The following VPS13C variants were observed in gnomAD, a reference collection of about 807,000 sequenced individuals.
The protein encoded by VPS13C is vacuolar protein sorting 13 homolog C, also known as intermembrane lipid transfer protein VPS13C.
Under a neutral mutation model 456.8 loss-of-function variants are expected in VPS13C, and 358 were observed. The ratio of observed to expected loss-of-function variants is 0.78; its 90% CI spans 0.72 to 0.86. The LOEUF (loss-of-function observed/expected upper bound fraction) is 0.86, where lower values mean the gene tolerates loss of function less well. Ranked by LOEUF, VPS13C falls within the 40% of genes least tolerant of loss-of-function variation. The pLI is 0.00. For missense variants in VPS13C, 4,818 were observed against 4,385.4 expected (o/e 1.10, Z -2.79); for synonymous variants, 1,578 against 1,486.7 (o/e 1.06, Z -1.41).
chr15:61,868,005 A>G (rs1894712118), intron 81 of VPS13C: 1 of 1,168,294 alleles, frequency 8.6e-7, no homozygotes, highest in Admixed American at 1.9e-5. Flanking sequence ...AGATAGATAA[A>G]ACGTAATCAT....
intron 81 of VPS13C, chr15:61,865,529 A>ATATGTATATAT (rs1239573394): frequency 1.1e-6 from 1 of 876,898 alleles, no homozygotes; most frequent in Non-Finnish European, 1.4e-6. Context: ...ACATACATAT[A>ATATGTATATAT]ATGTATGTAT....
intron 25 of VPS13C, 91 bp downstream of exon 25, chr15:61,974,197 T>C: frequency 6.2e-6 from 8 of 1,287,698 alleles, no homozygotes; most frequent in Non-Finnish European, 8.1e-6. Context: ...CTTTTGGTCC[T>C]TTCACTTATA....
At position 61,854,122 on chromosome 15, in the gene VPS13C, C is replaced by A; in HGVS notation, c.*335G>T. 3.9e-6 allele frequency: 1 copy of A among 256,494 alleles called. No individual in the cohort carries two copies. Among genetic ancestry groups the A allele is most frequent in the Admixed American group, 4.7e-5 (1 of 21,074 alleles). The allele number at this position is 256,494 out of a possible 1,614,324, so 15.9% of individuals were successfully genotyped here. ...AGTCATTCTAAGCTCATTTCTTATT[C>A]TTCAGTAAGGCTTTAATTAAATATA... On this transcript the variant is annotated 3_prime_UTR_variant, in exon 85 of 85. Transcript: ENST00000644861.
chr15:61,944,881 G>T (rs1174073617), intron 45 of VPS13C, among the ~76,000 whole-genome samples: 1 of 152,184 alleles, frequency 6.6e-6, no homozygotes, highest in South Asian at 2.1e-4. Flanking sequence ...GCCCCACTAA[G>T]AAGAATAGGC....
intron 64 of VPS13C, among the ~76,000 whole-genome samples, chr15:61,909,850 C>T (rs2043252291): frequency 1.3e-5 from 2 of 151,844 alleles, no homozygotes; most frequent in South Asian, 4.2e-4. Context: ...CGCTGGAAAC[C>T]ATCATTCTCA....
chr15:61,876,214 C>T (rs139976003), intron 75 of VPS13C, among the ~76,000 whole-genome samples: 272 of 152,114 alleles, frequency 1.8e-3, no homozygotes, highest in Middle Eastern at 6.8e-3. Context: ...GAGAGGATCA[C>T]TTGAGGCCAG....
In VPS13C at chr15:61,934,112, A is replaced by T. The variant is rs1321933838; in HGVS notation, c.5868+107T>A. ...GTAGGCCAAATAGAATTTTATAGAC[A>T]TATTAAATGTTTTAATGAAAAGTCC... On this transcript the variant is annotated intron_variant, in intron 49 of 84. Transcript: ENST00000644861. 3 of 587,098 alleles carry T rather than the reference A, an allele frequency of 5.1e-6. No individual in the cohort carries two copies. The Admixed American group carries it at 1.0e-4, about 20-fold the overall frequency. 36.4% of individuals were successfully genotyped at this position (587,098 alleles called of 1,614,324 possible). A position where few individuals can be genotyped will look rare whatever the true frequency, so the allele number is the denominator to read the frequency against.
chr15:61,882,564 G>A, intron 69 of VPS13C, 32 bp downstream of exon 69: 1 of 1,473,782 alleles, frequency 6.8e-7, no homozygotes, highest in Non-Finnish European at 9.0e-7. Context: ...CCAAAGTGAT[G>A]ATAAATACTT....
chr15:61,875,101 G>A (rs934219730), intron 76 of VPS13C, 150 bp from the exon 77 acceptor site: 40 of 621,448 alleles, frequency 6.4e-5, no homozygotes, highest in Middle Eastern at 9.5e-4. Context: ...CCCCAAATAT[G>A]GATAGAATAT....
At chr15:62,030,383 G>T (rs1211652559) in intron 5 of VPS13C, among the ~76,000 whole-genome samples, 1 of 152,018 alleles carries the variant, frequency 6.6e-6, no homozygotes, top group Non-Finnish European at 1.5e-5. Context: ...GATCATTGGG[G>T]TGGGTCCCTC....
chr15:61,856,505 G>T, intron 82 of VPS13C, 96 bp from the exon 83 acceptor site: 1 of 1,433,824 alleles, frequency 7.0e-7, no homozygotes, highest in Non-Finnish European at 9.5e-7. Flanking sequence ...GGTAGCACTT[G>T]CTTAGTAAAC....
At chr15:61,979,699 A>T (rs2045815357) in intron 22 of VPS13C, among the ~76,000 whole-genome samples, 2 of 152,236 alleles carry the variant, frequency 1.3e-5, no homozygotes, top group Admixed American at 1.3e-4. Flanking sequence ...AGTCAACACC[A>T]GAGACATTTC....
Position 61,882,234 on chromosome 15 carries a change from C to G in VPS13C, c.9624+362G>C, listed in dbSNP as rs141507424. On this transcript the variant is annotated intron_variant, in intron 69 of 84. Coordinates refer to ENST00000644861, the MANE Select transcript of VPS13C (RefSeq NM_020821.3). ...GCTAAAAGGAAGGAAGGGAGGGATG[C>G]TGGGAGAGAGCAAGCAAGCATCCAA... Among the ~76,000 whole-genome samples the G allele has an allele frequency of 2.1e-3, 313 of 152,178 alleles. 2 individuals carry two copies. The highest frequency in any genetic ancestry group is 7.2e-3 in the African/African-American group (297 of 41,538).
intron 66 of VPS13C, among the ~76,000 whole-genome samples, chr15:61,902,006 A>T (rs139498951): frequency 1.3e-5 from 2 of 151,580 alleles, no homozygotes; most frequent in Non-Finnish European, 1.5e-5. Context: ...GCAAACTATC[A>T]CAAGGACTAA....
chr15:61,939,108 T>G (rs2044328380), intron 47 of VPS13C, among the ~76,000 whole-genome samples: 1 of 152,196 alleles, frequency 6.6e-6, no homozygotes, highest in African/African-American at 2.4e-5. Flanking sequence ...TACCAAAATT[T>G]TATCCATGTT....
intron 12 of VPS13C, among the ~76,000 whole-genome samples, chr15:62,010,895 A>G (rs924872232): frequency 7.9e-5 from 12 of 152,180 alleles, no homozygotes; most frequent in African/African-American, 2.2e-4. Flanking sequence ...TCTGCATAAA[A>G]TTAGACTTCT....
chr15:62,015,052 T>C (rs1175439315), intron 9 of VPS13C, among the ~76,000 whole-genome samples: 1 of 152,152 alleles, frequency 6.6e-6, no homozygotes, highest in Non-Finnish European at 1.5e-5. Context: ...AGTATACCTG[T>C]TATCAGACAA....
intron 10 of VPS13C, 139 bp from the exon 11 acceptor site, chr15:62,013,258 A>C: frequency 1.9e-6 from 1 of 530,506 alleles, no homozygotes. Flanking sequence ...AAATAACATA[A>C]AAATGAGGGG....
At chr15:61,898,580 C>A (rs1419250147) in intron 66 of VPS13C, among the ~76,000 whole-genome samples, 1 of 149,498 alleles carries the variant, frequency 6.7e-6, no homozygotes, top group Non-Finnish European at 1.5e-5. Flanking sequence ...GCACCCAACA[C>A]AGGAGCACCC....
Sources: allele counts gnomAD v4.1 joint callset (sites outside exome capture counted in the v4.1 genomes callset), GRCh38; gene constraint gnomAD v4.1.1; transcripts MANE v1.5; gene names NCBI Gene and HGNC (gene_info 2026-07-23, HGNC 2026-07-21).